The following MLLT6 variants were observed in gnomAD, a reference collection of about 807,000 sequenced individuals.
The protein encoded by MLLT6 is MLLT6, PHD finger containing.
In MLLT6, 22 loss-of-function variants were observed where a neutral mutation model predicts 103.0. The observed-to-expected ratio is 0.21, with a 90% confidence interval of 0.15 to 0.31. The LOEUF is 0.31. MLLT6 is among the 10% of genes least tolerant of loss of function. MLLT6 has a pLI of 1.00. For synonymous variants in MLLT6, 606 were observed against 623.5 expected (o/e 0.97, Z 0.42); for missense variants, 1,199 against 1,441.7 (o/e 0.83, Z 2.73).
chr17:38,716,251 A>G lies in MLLT6; in HGVS notation c.1037-116A>G, dbSNP rs1905338252. 9.0e-7 allele frequency: 1 copy of G among 1,105,296 alleles called. No homozygotes were observed. Among genetic ancestry groups the G allele is most frequent in the Non-Finnish European group, 1.3e-6 (1 of 771,670 alleles). 68.5% of individuals were successfully genotyped at this position (1,105,296 alleles called of 1,614,324 possible). A position where few individuals can be genotyped will look rare whatever the true frequency, so the allele number is the denominator to read the frequency against. On this transcript the variant is annotated intron_variant, in intron 9 of 19. Transcript: ENST00000621332. The surrounding 1 kb of genome is among the most constrained non-coding windows in gnomAD (Gnocchi z 5.6). The stretch of plus-strand genomic sequence containing the variant: ...ACACAGACAGTGGCAGAGCTGAGAC[A>G]GGAAACCAGGCATCCCCATTCGTGG...
Position 38,722,146 on chromosome 17 carries a change from A to G in MLLT6, c.2711A>G (p.Asn904Ser), listed in dbSNP as rs1343611283. 2 of 1,373,090 alleles carry G rather than the reference A, an allele frequency of 1.5e-6. No homozygotes were observed. Among genetic ancestry groups the G allele is most frequent in the African/African-American group, 1.5e-5 (1 of 65,156 alleles). The allele number at this position is 1,373,090 out of a possible 1,614,324, so 85.1% of individuals were successfully genotyped here. Residue 904 changes from asparagine (N) to serine (S), a missense_variant, in exon 17 of 20, where the codon AAT (asparagine) becomes AGT (serine). By Grantham distance (46) the Asn-to-Ser change is conservative. Transcript: ENST00000621332. Reference sequence around the variant, plus strand: ...CTCAATGGGCTCCTTGGGGGGTTGAATGGGGCCGCTGCCCCCAACCCCGCA... The same window carrying G: ...CTCAATGGGCTCCTTGGGGGGTTGAGTGGGGCCGCTGCCCCCAACCCCGCA... ...LPLNGLLGGL[N>S]GAAAPNPASL...
intron 19 of MLLT6, chr17:38,725,219 CG>C (rs35678933): frequency 9.4e-6 from 5 of 530,940 alleles, no homozygotes; most frequent in African/African-American, 2.0e-5. Flanking sequence ...AGCCTTCCTC[CG>C]GGAGGACCAA....
chr17:38,720,347 C>T, intron 14 of MLLT6, 25 bp from the exon 15 acceptor site: 1 of 1,585,804 alleles, frequency 6.3e-7, no homozygotes. Flanking sequence ...TCGCCCCTCC[C>T]TCAGGTTCCT....
At chr17:38,721,806 G>T in intron 16 of MLLT6, 72 bp from the exon 17 acceptor site, 1 of 1,049,724 alleles carries the variant, frequency 9.5e-7, no homozygotes, top group Non-Finnish European at 1.3e-6. Flanking sequence ...TGAGAATGCT[G>T]GTGGGTGCTG....
At position 38,716,449 on chromosome 17, in the gene MLLT6, A is replaced by C. The variant is rs748429995; in HGVS notation, c.1119A>C (p.Thr373=). The part of the protein sequence containing the change: ...QPEEDKYSKP[T]APAPSAPPSP... ...AGGAGGACAAGTACTCCAAGCCCAC[A>C]GCCCCCGCCCCTTCAGCCCCTCCTT... Residue 373 remains threonine, a synonymous_variant, in exon 10 of 20, where the codon ACA becomes ACC. Coordinates refer to ENST00000621332, the MANE Select transcript of MLLT6 (RefSeq NM_005937.4). The surrounding 1 kb of genome is among the most constrained non-coding windows in gnomAD (Gnocchi z 5.6). The C allele has an allele frequency of 1.2e-6, 2 of 1,613,580 alleles. No homozygotes were observed. Among genetic ancestry groups the C allele is most frequent in the Non-Finnish European group, 1.7e-6 (2 of 1,179,754 alleles).
chr17:38,716,206 T>C lies in MLLT6; in HGVS notation c.1037-161T>C, dbSNP rs935647959. On this transcript the variant is annotated intron_variant, in intron 9 of 19. Coordinates refer to ENST00000621332, the MANE Select transcript of MLLT6 (RefSeq NM_005937.4). The surrounding 1 kb of genome is among the most constrained non-coding windows in gnomAD (Gnocchi z 5.6). ...ATTACAGGTGGGAAAGCTGGAGGGGTCGGGGGTACTCATCCCAGGACACAG... is the reference window on the plus strand; with the variant it reads ...ATTACAGGTGGGAAAGCTGGAGGGGCCGGGGGTACTCATCCCAGGACACAG... The C allele has an allele frequency of 1.4e-6, 1 of 714,536 alleles. No homozygotes were observed. The highest frequency in any genetic ancestry group is 2.3e-6 in the Non-Finnish European group (1 of 441,976). The allele number at this position is 714,536 out of a possible 1,614,324, so 44.3% of individuals were successfully genotyped here. A position where few individuals can be genotyped will look rare whatever the true frequency, so the allele number is the denominator to read the frequency against.
intron 6 of MLLT6, among the ~76,000 whole-genome samples, 159 bp from the exon 7 acceptor site, chr17:38,711,688 C>T (rs898175747): frequency 6.6e-6 from 1 of 152,172 alleles, no homozygotes; most frequent in Admixed American, 6.5e-5. Context: ...GGGGAACACC[C>T]TTCTGCTGAG....
rs1197442754 is a variant in MLLT6, at chr17:38,720,690, G to C, written c.2385G>C (p.Lys795Asn). 1.9e-6 allele frequency: 3 copies of C among 1,613,762 alleles called. No individual in the cohort carries two copies. Among genetic ancestry groups the C allele is most frequent in the African/African-American group, 1.3e-5 (1 of 74,930 alleles). ...GCAGCGACTCCTTGAGCACCAGCAAGAGCCCTCCGGGAAAGAGCAGCCTCG... is the reference window on the plus strand; with the variant it reads ...GCAGCGACTCCTTGAGCACCAGCAACAGCCCTCCGGGAAAGAGCAGCCTCG... ...AGSSDSLSTS[K>N]SPPGKSSLGL... Residue 795 changes from lysine (K) to asparagine (N), a missense_variant, in exon 16 of 20, where the codon AAG becomes AAC. Transcript: ENST00000621332.
At chr17:38,717,244 C>T (rs1196570050) in intron 10 of MLLT6, among the ~76,000 whole-genome samples, 188 bp from the exon 11 acceptor site, 12 of 152,126 alleles carry the variant, frequency 7.9e-5, no homozygotes, top group Admixed American at 7.9e-4. Context: ...GGCAGTTTAA[C>T]AAGCAGGCGC....
At position 38,726,739 on chromosome 17, in the gene MLLT6, G is replaced by A. The variant is rs1410524940; in HGVS notation, c.*1141G>A. On this transcript the variant is annotated 3_prime_UTR_variant, in exon 20 of 20. Transcript: ENST00000621332. ...GCACAAGGGGAGCCCCAGGGCTTGGGGGAGGGCGTAAGGTGGGGGGAAATG... is the reference window on the plus strand; with the variant it reads ...GCACAAGGGGAGCCCCAGGGCTTGGAGGAGGGCGTAAGGTGGGGGGAAATG... The A allele has an allele frequency of 4.3e-6, 1 of 233,466 alleles. No individual in the cohort carries two copies. The highest frequency in any genetic ancestry group is 8.5e-6 in the Non-Finnish European group (1 of 118,070). The allele number at this position is 233,466 out of a possible 1,614,324, so 14.5% of individuals were successfully genotyped here.
rs1567927481 is a variant in MLLT6 at position 38,717,414 on chromosome 17, C to T, written c.1652-18C>T. 1.3e-6 allele frequency: 2 copies of T among 1,563,018 alleles called. No homozygotes were observed. Among genetic ancestry groups the T allele is most frequent in the Non-Finnish European group, 1.7e-6 (2 of 1,151,416 alleles). ...GTGGAGAGTAACCACGTGCTTCCCT[C>T]TGTCCTTGTGCCTGCAGGCATCTAC... On this transcript the variant is annotated intron_variant, in intron 10 of 19. Transcript: ENST00000621332.
Position 38,725,591 on chromosome 17 carries a change from A to G in MLLT6, c.3275A>G (p.Lys1092Arg). 6.2e-7 allele frequency: 1 copy of G among 1,602,678 alleles called. No individual in the cohort carries two copies. Among genetic ancestry groups the G allele is most frequent in the African/African-American group, 1.4e-5 (1 of 73,420 alleles). The change falls in exon 20 of 20, where the codon AAA becomes AGA. Residue 1092 changes from lysine (K) to arginine (R), a missense_variant. Lys to Arg is a conservative substitution (Grantham distance 26, BLOSUM62 2). Transcript: ENST00000621332. The part of the protein sequence containing the change: ...ADKGASANQE[K>R]G ...AAAGGAGCCTCAGCCAACCAGGAAA[A>G]AGGCTAAATCCACCCTTACCCCTCC...
chr17:38,706,944 C>T lies in MLLT6; in HGVS notation c.110-6C>T, dbSNP rs1335674264. ...TTTGCTCAGCGACTGTCCTCCCCAC[C>T]CTCAGCTTGCTATGGCATCGTTCAG... On this transcript the variant is annotated splice_polypyrimidine_tract_variant and splice_region_variant and intron_variant, in intron 1 of 19. Coordinates refer to ENST00000621332, the MANE Select transcript of MLLT6 (RefSeq NM_005937.4). The T allele has an allele frequency of 3.1e-6, 5 of 1,606,712 alleles. No individual in the cohort carries two copies. In the South Asian group the frequency reaches 5.5e-5, roughly 18 times the overall value.
chr17:38,725,516 G>C, intron 19 of MLLT6, 41 bp from the exon 20 acceptor site: 1 of 1,592,740 alleles, frequency 6.3e-7, no homozygotes, highest in Non-Finnish European at 8.6e-7. Flanking sequence ...GTTAGGACCT[G>C]ACACTTTCCA....
chr17:38,708,171 G>T (rs934397752), intron 4 of MLLT6: 1 of 433,952 alleles, frequency 2.3e-6, no homozygotes, highest in African/African-American at 2.0e-5. Context: ...GCCAGACCTG[G>T]TGCAAGGTAG....
chr17:38,724,581 CGGGA>C lies in MLLT6; in HGVS notation c.2884-38_2884-35del. 6.6e-7 allele frequency: 1 copy of C among 1,505,110 alleles called. No individual in the cohort carries two copies. The allele number at this position is 1,505,110 out of a possible 1,614,324, so 93.2% of individuals were successfully genotyped here. A position where few individuals can be genotyped will look rare whatever the true frequency, so the allele number is the denominator to read the frequency against. On this transcript the variant is annotated intron_variant, in intron 18 of 19. Transcript: ENST00000621332. The surrounding 1 kb of genome is among the most constrained non-coding windows in gnomAD (Gnocchi z 5.4). ...AGGCAGGCAGCAGGGAAGAGACCCC[CGGGA>C]CTGTTGGCCAACAAGCGGTCTGGCC...
intron 4 of MLLT6, chr17:38,708,403 G>C (rs145339655): frequency 2.0e-5 from 3 of 153,574 alleles, no homozygotes; most frequent in Non-Finnish European, 4.3e-5. Context: ...GACCTGGGGC[G>C]TGAGAAGGAG....
chr17:38,706,010 A>T (rs1417649415), intron 1 of MLLT6: 14 of 186,472 alleles, frequency 7.5e-5, no homozygotes, highest in African/African-American at 3.1e-4. Flanking sequence ...TGAACTCCCC[A>T]CGCCCCACAC....
chr17:38,708,129 G>A (rs914579597), intron 4 of MLLT6: 17 of 526,840 alleles, frequency 3.2e-5, no homozygotes, highest in African/African-American at 2.3e-4. Context: ...TCATTCATTC[G>A]CTGGACACAT....
Sources: allele counts gnomAD v4.1 joint callset (sites outside exome capture counted in the v4.1 genomes callset), GRCh38; gene constraint gnomAD v4.1.1; non-coding constraint Gnocchi (gnomAD v3.1); transcripts MANE v1.5; gene names NCBI Gene and HGNC (gene_info 2026-07-23, HGNC 2026-07-21).